Variants in EDC3 observed in about 807,000 individuals in gnomAD.
EDC3 encodes the protein enhancer of mRNA decapping 3, also known as enhancer of mRNA-decapping protein 3.
In EDC3, 20 loss-of-function variants were observed where a neutral mutation model predicts 41.8. The observed-to-expected ratio is 0.48, with a 90% CI of 0.34 to 0.70. EDC3 has a LOEUF of 0.70. Among genes scored for constraint, EDC3 ranks in the 30% least tolerant of loss-of-function variants. EDC3 has a pLI of 0.01. For synonymous variants in EDC3, 206 were observed against 243.2 expected, an observed-to-expected ratio of 0.85 and a Z score of 1.42; for missense variants, 444 against 636.8, an observed-to-expected ratio of 0.70 and a Z score of 3.26.
chr15:74,665,380 A>G (rs1227808675), intron 3 of EDC3, among the ~76,000 whole-genome samples: 1 of 152,170 alleles, frequency 6.6e-6, no homozygotes, highest in Non-Finnish European at 1.5e-5. Context: ...TAACTGTTAA[A>G]TTTTTATTCA....
chr15:74,671,842 T>C lies in EDC3; in HGVS notation c.165-68A>G. ...GTAAGAATGATGAAACTGAGATCAT[T>C]AGCAAACAGCTACCCCTTTGCAGGA... On this transcript the variant is annotated intron_variant, in intron 2 of 6. Coordinates refer to ENST00000315127, the MANE Select transcript of EDC3 (RefSeq NM_025083.5). This position sits in a 1 kb window ranked among gnomAD's most constrained non-coding sequence, Gnocchi z 4.6. 2 of 1,474,062 alleles carry C rather than the reference T, an allele frequency of 1.4e-6. No individual in the cohort carries two copies. Among genetic ancestry groups the C allele is most frequent in the Non-Finnish European group, 1.9e-6 (2 of 1,065,740 alleles). 91.3% of individuals were successfully genotyped at this position (1,474,062 alleles called of 1,614,324 possible). A position where few individuals can be genotyped will look rare whatever the true frequency, so the allele number is the denominator to read the frequency against.
chr15:74,635,759 A>AG, intron 5 of EDC3, 133 bp from the exon 6 acceptor site: 1 of 847,454 alleles, frequency 1.2e-6, no homozygotes, highest in Non-Finnish European at 1.8e-6. Flanking sequence ...CAGGCTCCAG[A>AG]GGGGGACAAA....
In EDC3 at chr15:74,683,352, T is replaced by C. The variant is rs1456435002; in HGVS notation, c.-18-8210A>G. Among the ~76,000 whole-genome samples the C allele has an allele frequency of 2.0e-5, 3 of 152,252 alleles. No homozygotes were observed. The East Asian group carries it at 5.8e-4, about 29-fold the overall frequency. Reference sequence around the variant, plus strand: ...GAGTTCAAAACCAGCCTGGCCAACATGGCGAAGCCTCGTCTCTACCAAAAA... The same window carrying C: ...GAGTTCAAAACCAGCCTGGCCAACACGGCGAAGCCTCGTCTCTACCAAAAA... On this transcript the variant is annotated intron_variant, in intron 1 of 6. Coordinates refer to ENST00000315127, the MANE Select transcript of EDC3 (RefSeq NM_025083.5).
chr15:74,657,689 G>A (rs1479471738), intron 3 of EDC3, among the ~76,000 whole-genome samples: 1 of 152,132 alleles, frequency 6.6e-6, no homozygotes, highest in Non-Finnish European at 1.5e-5. Flanking sequence ...TTAAATCTAT[G>A]CTTACCCAGC....
At chr15:74,679,577 C>T (rs1035801947) in intron 1 of EDC3, among the ~76,000 whole-genome samples, 2 of 151,754 alleles carry the variant, frequency 1.3e-5, no homozygotes, top group African/African-American at 2.4e-5. Context: ...GAATACTATC[C>T]CCCATGAATG....
chr15:74,660,414 AATATATATAT>A (rs10582490), intron 3 of EDC3, among the ~76,000 whole-genome samples: 2 of 144,910 alleles, frequency 1.4e-5, no homozygotes, highest in East Asian at 4.0e-4. Flanking sequence ...CGTCTCCAAA[AATATATATAT>A]ATATATATAT....
chr15:74,682,190 C>T (rs961117186), intron 1 of EDC3, among the ~76,000 whole-genome samples: 6 of 152,218 alleles, frequency 3.9e-5, no homozygotes, highest in Non-Finnish European at 7.4e-5. Flanking sequence ...AGTGTGGTGG[C>T]GCACACCTGT....
At chr15:74,667,713 G>C (rs570151059) in intron 3 of EDC3, among the ~76,000 whole-genome samples, 1 of 152,144 alleles carries the variant, frequency 6.6e-6, no homozygotes, top group South Asian at 2.1e-4. Context: ...ATAAGCCAAA[G>C]TATAAAATAA....
rs1187889245 is a variant in EDC3 at position 74,632,428 on chromosome 15, T to G, written c.*184A>C. ...GCCTGCCACCCAGCCCGGAACCCAGTGGGAAAGACTTCCCTGGCTAAGAGC... is the reference window on the plus strand; with the variant it reads ...GCCTGCCACCCAGCCCGGAACCCAGGGGGAAAGACTTCCCTGGCTAAGAGC... On this transcript the variant is annotated 3_prime_UTR_variant, in exon 7 of 7. Transcript: ENST00000315127. This position sits in a 1 kb window ranked among gnomAD's most constrained non-coding sequence, Gnocchi z 4.0. The G allele has an allele frequency of 4.1e-6, 3 of 728,362 alleles. No homozygotes were observed. Among genetic ancestry groups the G allele is most frequent in the Non-Finnish European group, 6.6e-6 (3 of 455,422 alleles). The allele number at this position is 728,362 out of a possible 1,614,324, so 45.1% of individuals were successfully genotyped here. A position where few individuals can be genotyped will look rare whatever the true frequency, so the allele number is the denominator to read the frequency against.
chr15:74,694,451 G>GCACCCACCAC (rs1272044054), intron 1 of EDC3, among the ~76,000 whole-genome samples: 4 of 152,060 alleles, frequency 2.6e-5, no homozygotes, highest in Non-Finnish European at 5.9e-5. Flanking sequence ...GGGATTATAG[G>GCACCCACCAC]CACCCACCAC....
At chr15:74,650,857 G>A (rs2062472098) in intron 4 of EDC3, among the ~76,000 whole-genome samples, 1 of 152,126 alleles carries the variant, frequency 6.6e-6, no homozygotes, top group African/African-American at 2.4e-5. Flanking sequence ...AATTTGCCAG[G>A]TGTGGTGGTG....
In EDC3 at chr15:74,632,612, C is replaced by T; in HGVS notation, c.1527G>A (p.Ter509=). The change falls in exon 7 of 7, where the codon TAG becomes TAA. Residue 509 remains the stop codon, a stop_retained_variant. Transcript: ENST00000315127. This position sits in a 1 kb window ranked among gnomAD's most constrained non-coding sequence, Gnocchi z 4.0. ...CKFVIPLHSA[*] ...AGAGTCCTGCCTGCGCAGGAACCCT[C>T]TAAGCAGAGTGCAGTGGGATAACAA... The T allele has an allele frequency of 6.2e-7, 1 of 1,613,136 alleles. No homozygotes were observed. The highest frequency in any genetic ancestry group is 8.5e-7 in the Non-Finnish European group (1 of 1,179,692).
intron 3 of EDC3, among the ~76,000 whole-genome samples, chr15:74,665,373 CTG>C (rs2062666220): frequency 6.6e-6 from 1 of 152,186 alleles, no homozygotes. Flanking sequence ...CTTAACTTAA[CTG>C]TTAAATTTTT....
intron 1 of EDC3, among the ~76,000 whole-genome samples, chr15:74,691,811 T>C (rs1183692200): frequency 3.9e-5 from 6 of 152,114 alleles, no homozygotes; most frequent in Non-Finnish European, 8.8e-5. Context: ...TCTACGGCTA[T>C]TTTCTGGGTT....
At position 74,632,721 on chromosome 15, in the gene EDC3, C is replaced by G. The variant is rs1055780430; in HGVS notation, c.1418G>C (p.Arg473Pro). 5 of 1,614,166 alleles carry G rather than the reference C, an allele frequency of 3.1e-6. No homozygotes were observed. Among genetic ancestry groups the G allele is most frequent in the Non-Finnish European group, 4.2e-6 (5 of 1,180,036 alleles). The part of the protein sequence containing the change: ...LPLPLGEHAG[R>P]IYLCDIGIPQ... ...AATGCCAATGTCGCACAAATAGATA[C>G]GGCCTGCGTGCTCCCCCAGTGGCAG... The change falls in exon 7 of 7, where the codon CGT becomes CCT. Residue 473 changes from arginine to proline, a missense_variant. Arg to Pro is a moderately radical substitution (Grantham distance 103, BLOSUM62 -2). Around this residue, in one of 3 missense-constraint regions of EDC3, gnomAD observed 242 missense variants for 363.8 expected, o/e 0.67. Coordinates refer to ENST00000315127, the MANE Select transcript of EDC3 (RefSeq NM_025083.5). The surrounding 1 kb of genome is among the most constrained non-coding windows in gnomAD (Gnocchi z 4.0).
chr15:74,673,993 C>CA (rs1308989080), intron 2 of EDC3, among the ~76,000 whole-genome samples: 1 of 151,264 alleles, frequency 6.6e-6, no homozygotes, highest in African/African-American at 2.4e-5. Flanking sequence ...TAAAAAACAA[C>CA]AAAAAAAGTA....
At chr15:74,668,284 A>G (rs2062699742) in intron 3 of EDC3, among the ~76,000 whole-genome samples, 2 of 152,238 alleles carry the variant, frequency 1.3e-5, no homozygotes, top group African/African-American at 4.8e-5. Flanking sequence ...GCATCCGGGT[A>G]AAAACTAAGG....
Position 74,631,177 on chromosome 15 carries a change from A to C in EDC3, c.*1435T>G, listed in dbSNP as rs1343799033. 1 of 152,256 alleles carries C rather than the reference A, an allele frequency of 6.6e-6. No individual in the cohort carries two copies. The highest frequency in any genetic ancestry group is 2.4e-5 in the African/African-American group (1 of 41,456). The allele number at this position is 152,256 out of a possible 1,614,324, so 9.4% of individuals were successfully genotyped here. On this transcript the variant is annotated 3_prime_UTR_variant, in exon 7 of 7. Transcript: ENST00000315127. Reference sequence around the variant, plus strand: ...CATCTGCTTCTGGCTATGTTCCTACAAGGGAAGTGATAACAGCCTGAAACC... The same window carrying C: ...CATCTGCTTCTGGCTATGTTCCTACCAGGGAAGTGATAACAGCCTGAAACC...
chr15:74,670,727 G>A (rs1287168506), intron 3 of EDC3, among the ~76,000 whole-genome samples: 1 of 152,206 alleles, frequency 6.6e-6, no homozygotes, highest in Non-Finnish European at 1.5e-5. Flanking sequence ...ACCGTGCCTG[G>A]TCACAACTAT....
Sources: allele counts gnomAD v4.1 joint callset (sites outside exome capture counted in the v4.1 genomes callset), GRCh38; gene constraint gnomAD v4.1.1; regional missense constraint gnomAD v4.1.1; non-coding constraint Gnocchi (gnomAD v3.1); transcripts MANE v1.5; gene names NCBI Gene and HGNC (gene_info 2026-07-23, HGNC 2026-07-21).